SNX29: variants seen among roughly 807,000 people sequenced by gnomAD.
SNX29 encodes sorting nexin 29, also known as sorting nexin-29.
SNX29 carries 78 observed loss-of-function variants against 102.1 expected under a neutral mutation model. The ratio of observed to expected loss-of-function variants is 0.76; its 90% CI spans 0.64 to 0.92. The LOEUF (loss-of-function observed/expected upper bound fraction) is 0.92. SNX29 is among the 40% of genes least tolerant of loss of function. SNX29 has a pLI of 0.00. For missense variants in SNX29, 1,280 were observed against 1,061.7 expected, an observed-to-expected ratio of 1.21 and a Z score of -2.86; for synonymous variants, 580 against 414.5, an observed-to-expected ratio of 1.40 and a Z score of -4.85.
At chr16:12,408,708 C>G (rs1293243676) in intron 18 of SNX29, among the ~76,000 whole-genome samples, 1 of 152,146 alleles carries the variant, frequency 6.6e-6, no homozygotes, top group Non-Finnish European at 1.5e-5. Flanking sequence ...TAATCCCAGC[C>G]ACTCGAGAGG....
At chr16:12,059,457 A>G (rs957592109) in intron 8 of SNX29, among the ~76,000 whole-genome samples, 2 of 151,986 alleles carry the variant, frequency 1.3e-5, no homozygotes. Flanking sequence ...TTTTGCCCCC[A>G]CCCTGCTGTC....
chr16:12,226,945 C>T (rs1486681234), intron 14 of SNX29, among the ~76,000 whole-genome samples: 5 of 152,158 alleles, frequency 3.3e-5, no homozygotes, highest in African/African-American at 1.2e-4. Context: ...CTTCAGGCGG[C>T]AGGGTCTGGC....
intron 20 of SNX29, among the ~76,000 whole-genome samples, chr16:12,554,646 C>T (rs190524267): frequency 1.6e-3 from 237 of 152,324 alleles, no homozygotes; most frequent in Admixed American, 2.7e-3. Context: ...CCAGGTTTCA[C>T]CAGTTTGTGC....
intron 14 of SNX29, among the ~76,000 whole-genome samples, chr16:12,272,937 G>A (rs926794093): frequency 1.3e-5 from 2 of 152,152 alleles, no homozygotes; most frequent in African/African-American, 2.4e-5. Context: ...CACGCAACAC[G>A]CAGCTCCCCA....
chr16:12,197,963 C>T (rs1161099957), intron 13 of SNX29, among the ~76,000 whole-genome samples: 2 of 152,072 alleles, frequency 1.3e-5, no homozygotes, highest in Non-Finnish European at 2.9e-5. Context: ...CGCTCGGCAC[C>T]AGGGATGAGC....
chr16:12,551,183 C>T (rs1297539499), intron 20 of SNX29, among the ~76,000 whole-genome samples: 1 of 152,072 alleles, frequency 6.6e-6, no homozygotes, highest in Non-Finnish European at 1.5e-5. Context: ...GTGCAGACTT[C>T]CCCACAGAGA....
At chr16:12,563,319 A>G (rs964385215) in intron 20 of SNX29, among the ~76,000 whole-genome samples, 3 of 152,106 alleles carry the variant, frequency 2.0e-5, no homozygotes, top group South Asian at 2.1e-4. Context: ...GTGACTGGAG[A>G]GAGTCACCGT....
chr16:12,498,493 C>G (rs1006467895), intron 19 of SNX29, among the ~76,000 whole-genome samples: 1 of 152,186 alleles, frequency 6.6e-6, no homozygotes, highest in Non-Finnish European at 1.5e-5. Context: ...GAGAGGGCTG[C>G]GTGCATATCA....
At chr16:12,442,574 A>G (rs1597392492) in intron 18 of SNX29, among the ~76,000 whole-genome samples, 1 of 150,658 alleles carries the variant, frequency 6.6e-6, no homozygotes, top group South Asian at 2.1e-4. Context: ...AATGGATGTG[A>G]CTGTGTGTTT....
intron 18 of SNX29, among the ~76,000 whole-genome samples, chr16:12,411,305 G>T (rs1242700208): frequency 6.6e-6 from 1 of 152,150 alleles, no homozygotes; most frequent in Admixed American, 6.5e-5. Context: ...CTCCTGTGTT[G>T]CAGGCCAAGC....
chr16:11,976,748 A>T lies in SNX29; in HGVS notation c.-59A>T. On this transcript the variant is annotated 5_prime_UTR_variant, in exon 1 of 21. Coordinates refer to ENST00000566228, the MANE Select transcript of SNX29 (RefSeq NM_032167.5). ...TCTCCCGGCCTGTCTGGAGCTCGGC[A>T]GCCGCAGAAGCGGCAGCGGCGGCGG... is the stretch of plus-strand genomic sequence containing the variant. The T allele has an allele frequency of 8.1e-7, 1 of 1,228,300 alleles. No homozygotes were observed. The highest frequency in any genetic ancestry group is 1.0e-6 in the Non-Finnish European group (1 of 959,336). 76.1% of individuals were successfully genotyped at this position (1,228,300 alleles called of 1,614,324 possible).
intron 19 of SNX29, among the ~76,000 whole-genome samples, chr16:12,511,009 T>C (rs766797157): frequency 2.6e-5 from 4 of 152,006 alleles, no homozygotes; most frequent in Non-Finnish European, 4.4e-5. Flanking sequence ...CAGGCTGGAA[T>C]GCAGTGGTGC....
intron 10 of SNX29, among the ~76,000 whole-genome samples, chr16:12,073,477 C>G (rs1219004703): frequency 3.9e-5 from 6 of 152,006 alleles, no homozygotes; most frequent in Non-Finnish European, 8.8e-5. Context: ...TGTAGTGGAG[C>G]GGTTTTGAGT....
chr16:12,340,624 A>T (rs994749777), intron 15 of SNX29, among the ~76,000 whole-genome samples: 2 of 152,208 alleles, frequency 1.3e-5, no homozygotes, highest in African/African-American at 4.8e-5. Context: ...TATTATCAGT[A>T]ACTTGCACCT....
At chr16:12,554,959 A>T (rs1264453724) in intron 20 of SNX29, among the ~76,000 whole-genome samples, 2 of 147,678 alleles carry the variant, frequency 1.4e-5, no homozygotes, top group East Asian at 1.9e-4. Context: ...AAAACAATGG[A>T]GGTGGTGAGG....
chr16:12,020,643 A>C (rs1213552102), intron 3 of SNX29, among the ~76,000 whole-genome samples: 1 of 140,688 alleles, frequency 7.1e-6, no homozygotes, highest in Non-Finnish European at 1.5e-5. Context: ...TTTTTTTTTG[A>C]GATGGAGTCT....
chr16:12,051,635 G>T lies in SNX29; in HGVS notation c.749-212G>T, dbSNP rs1337623001. On this transcript the variant is annotated intron_variant, in intron 7 of 20. Transcript: ENST00000566228. ...AGTTTCAAGATGTGCTCTGTGGTGT[G>T]TTTATTTAAATCAGAGGCAGAGGCC... 2.6e-5 allele frequency among the ~76,000 whole-genome samples: 4 copies of T among 152,220 alleles called. No individual in the cohort carries two copies. The East Asian group carries it at 7.7e-4, about 29-fold the overall frequency.
chr16:12,247,252 G>T (rs2078286370), intron 14 of SNX29, among the ~76,000 whole-genome samples: 1 of 152,170 alleles, frequency 6.6e-6, no homozygotes, highest in Non-Finnish European at 1.5e-5. Flanking sequence ...AGGTGGAGAT[G>T]ATGGGAATTA....
chr16:12,487,849 G>T (rs1427716199), intron 19 of SNX29, among the ~76,000 whole-genome samples: 4 of 152,182 alleles, frequency 2.6e-5, no homozygotes, highest in African/African-American at 9.7e-5. Flanking sequence ...CAACCACCAT[G>T]TAAATATTCC....
Sources: allele counts gnomAD v4.1 joint callset (sites outside exome capture counted in the v4.1 genomes callset), GRCh38; gene constraint gnomAD v4.1.1; transcripts MANE v1.5; gene names NCBI Gene and HGNC (gene_info 2026-07-23, HGNC 2026-07-21).